RUNX1: variants seen among roughly 807,000 people sequenced by gnomAD.
The protein encoded by RUNX1 is RUNX family transcription factor 1.
In RUNX1, 19 loss-of-function variants were observed where a neutral mutation model predicts 42.8. That is an observed-to-expected ratio of 0.44 (90% CI 0.31 to 0.65). RUNX1 has a LOEUF of 0.65. Ranked by LOEUF, RUNX1 falls within the 30% of genes least tolerant of loss-of-function variation. The pLI is 0.07. For synonymous variants in RUNX1, 271 were observed against 289.4 expected, an observed-to-expected ratio of 0.94 and a Z score of 0.64; for missense variants, 528 against 672.0, an observed-to-expected ratio of 0.79 and a Z score of 2.37.
intron 2 of RUNX1, among the ~76,000 whole-genome samples, chr21:35,043,356 A>G (rs2059373932): frequency 6.6e-6 from 1 of 152,170 alleles, no homozygotes; most frequent in African/African-American, 2.4e-5. Context: ...GAGGCCGAGA[A>G]ACAAGAGTTG....
chr21:34,905,820 T>C (rs1176152077), intron 2 of RUNX1, among the ~76,000 whole-genome samples: 1 of 152,246 alleles, frequency 6.6e-6, no homozygotes, highest in Non-Finnish European at 1.5e-5. Context: ...TAGAAAATGC[T>C]GGATCATCTG....
intron 2 of RUNX1, among the ~76,000 whole-genome samples, chr21:34,934,472 G>A (rs1450545819): frequency 1.3e-5 from 2 of 152,066 alleles, no homozygotes; most frequent in South Asian, 2.1e-4. Context: ...TCAATTCAGG[G>A]TGGCTTTGAC....
chr21:34,887,260 G>GGGGGGGGGGGGGGGGGGGGGGGGGT, intron 3 of RUNX1, 164 bp from the exon 4 acceptor site: 1 of 771,782 alleles, frequency 1.3e-6, no homozygotes, highest in South Asian at 3.2e-5. Context: ...GGCGGGGGTG[G>GGGGGGGGGGGGGGGGGGGGGGGGGT]TTAGGGGAGG....
At chr21:34,798,430 T>C (rs2056561190) in intron 8 of RUNX1, among the ~76,000 whole-genome samples, 1 of 152,232 alleles carries the variant, frequency 6.6e-6, no homozygotes, top group Non-Finnish European at 1.5e-5. Flanking sequence ...TGACTAATAC[T>C]TAATGAGCTC....
intron 2 of RUNX1, among the ~76,000 whole-genome samples, chr21:35,010,255 A>G (rs2834730): frequency 0.19 from 29,211 of 152,130 alleles, 3,442 homozygotes; most frequent in African/African-American, 0.32. Flanking sequence ...ATAAGCTCCA[A>G]AAACATTATT....
In RUNX1 at chr21:34,997,761, T is replaced by G. The variant is rs572179727; in HGVS notation, c.58+51081A>C. 3.4e-4 allele frequency among the ~76,000 whole-genome samples: 52 copies of G among 152,340 alleles called. No individual in the cohort carries two copies. The South Asian group carries it at 0.01, about 30-fold the overall frequency. ...ACCCCACTTCCTCTTGCTTTGGAGC[T>G]TAGTGCAGAAGGGGCCTTGCCAGGC... On this transcript the variant is annotated intron_variant, in intron 2 of 8. Transcript: ENST00000675419.
At chr21:34,970,176 A>G (rs1285564641) in intron 2 of RUNX1, among the ~76,000 whole-genome samples, 1 of 152,248 alleles carries the variant, frequency 6.6e-6, no homozygotes, top group East Asian at 1.9e-4. Context: ...TAGATGCTTT[A>G]GAAAGGTCTC....
intron 6 of RUNX1, among the ~76,000 whole-genome samples, chr21:34,855,321 A>G (rs1394617049): frequency 2.0e-5 from 3 of 152,180 alleles, no homozygotes; most frequent in Non-Finnish European, 4.4e-5. Flanking sequence ...TGGGATCTCA[A>G]TATTAGCATA....
At chr21:34,959,328 C>T (rs1483035768) in intron 2 of RUNX1, among the ~76,000 whole-genome samples, 1 of 152,098 alleles carries the variant, frequency 6.6e-6, no homozygotes, top group Non-Finnish European at 1.5e-5. Context: ...AGCTGCGTGA[C>T]CCTGGGCAAG....
At chr21:34,963,029 G>A (rs544877062) in intron 2 of RUNX1, among the ~76,000 whole-genome samples, 166 of 152,292 alleles carry the variant, frequency 1.1e-3, no homozygotes, top group African/African-American at 3.8e-3. Flanking sequence ...CTCCGAAGGC[G>A]GTTCTAAGGA....
At chr21:34,991,471 C>A (rs1199091783) in intron 2 of RUNX1, among the ~76,000 whole-genome samples, 1 of 152,184 alleles carries the variant, frequency 6.6e-6, no homozygotes, top group African/African-American at 2.4e-5. Context: ...CAGCTACGGG[C>A]ACTTGGCTGA....
At chr21:34,818,928 G>A (rs993152316) in intron 7 of RUNX1, among the ~76,000 whole-genome samples, 2 of 152,148 alleles carry the variant, frequency 1.3e-5, no homozygotes, top group African/African-American at 2.4e-5. Context: ...TGCTCAGGAC[G>A]GTTCACATTG....
rs56957776 is a variant in RUNX1, at chr21:34,823,430, G to GT, written c.805+10979dup. On this transcript the variant is annotated intron_variant, in intron 7 of 8. Transcript: ENST00000675419. ...TAAGCACCATTTCCATTCCTGGTGG[G>GT]TTTTTTTTTTTTTTTTTTTTTTTTT... 2.6e-3 allele frequency among the ~76,000 whole-genome samples: 263 copies of GT among 99,632 alleles called. 5 individuals carry two copies. The highest frequency in any genetic ancestry group is 3.6e-3 in the Non-Finnish European group (196 of 54,096). The allele number at this position is 99,632 out of a possible 152,430, so 65.4% of individuals were successfully genotyped here.
At chr21:34,859,419 G>T in intron 6 of RUNX1, 55 bp downstream of exon 6, 2 of 1,273,500 alleles carry the variant, frequency 1.6e-6, no homozygotes, top group South Asian at 1.2e-5. Flanking sequence ...GAGTATACCA[G>T]CCTGGAGGGT....
At position 34,884,179 on chromosome 21, in the gene RUNX1, T is replaced by C. The variant is rs11908868; in HGVS notation, c.351+2664A>G. 3.3e-3 allele frequency among the ~76,000 whole-genome samples: 508 copies of C among 152,228 alleles called. 2 individuals are homozygous for C. Among genetic ancestry groups the C allele is most frequent in the African/African-American group, 0.011 (441 of 41,540 alleles). On this transcript the variant is annotated intron_variant, in intron 4 of 8. Coordinates refer to ENST00000675419, the MANE Select transcript of RUNX1 (RefSeq NM_001754.5). ...TTCTTAGTAGTAAAAAACATGTATC[T>C]CTCATACTGTAAAAAATAAAGGTGT...
At chr21:34,943,664 C>T (rs1001528288) in intron 2 of RUNX1, among the ~76,000 whole-genome samples, 2 of 151,954 alleles carry the variant, frequency 1.3e-5, no homozygotes, top group Admixed American at 1.3e-4. Flanking sequence ...GTTTTTTCAC[C>T]CCCTAAAGAG....
At chr21:34,990,647 A>ATT (rs34038665) in intron 2 of RUNX1, among the ~76,000 whole-genome samples, 79 of 148,108 alleles carry the variant, frequency 5.3e-4, no homozygotes, top group African/African-American at 1.4e-3. Context: ...ATGAGGAATA[A>ATT]TTTTTTTTTT....
At position 34,887,081 on chromosome 21, in the gene RUNX1, C is replaced by T. The variant is rs2058005800; in HGVS notation, c.113G>A (p.Arg38His). 6.3e-7 allele frequency: 1 copy of T among 1,598,452 alleles called. No homozygotes were observed. The highest frequency in any genetic ancestry group is 1.3e-5 in the African/African-American group (1 of 75,028). The change falls in exon 4 of 9, where the codon CGC (arginine) becomes CAC (histidine). Residue 38 changes from arginine to histidine, a missense_variant. Around this residue, in one of 3 missense-constraint regions of RUNX1, gnomAD observed 114 missense variants for 115.0 expected, o/e 0.99. Transcript: ENST00000675419. ...SRDVHDASTS[R>H]RFTPPSTALS... ...CGCGGTGGAAGGCGGCGTGAAGCGGCGGCTCGTGCTGGCATCTACGGGGAT... is the reference window on the plus strand; with the variant it reads ...CGCGGTGGAAGGCGGCGTGAAGCGGTGGCTCGTGCTGGCATCTACGGGGAT...
intron 2 of RUNX1, among the ~76,000 whole-genome samples, chr21:34,922,847 T>C (rs2058364227): frequency 6.6e-6 from 1 of 152,228 alleles, no homozygotes; most frequent in East Asian, 1.9e-4. Context: ...AACATCAGAA[T>C]CATTTTTACT....
Sources: allele counts gnomAD v4.1 joint callset (sites outside exome capture counted in the v4.1 genomes callset), GRCh38; gene constraint gnomAD v4.1.1; regional missense constraint gnomAD v4.1.1; transcripts MANE v1.5; gene names NCBI Gene and HGNC (gene_info 2026-07-23, HGNC 2026-07-21).